HTRA3: variants seen among roughly 807,000 people sequenced by gnomAD.
The protein encoded by HTRA3 is HtrA serine peptidase 3.
Under a neutral mutation model 43.2 loss-of-function variants are expected in HTRA3, and 41 were observed. The observed-to-expected ratio is 0.95, with a 90% CI of 0.74 to 1.23. The LOEUF (loss-of-function observed/expected upper bound fraction) is 1.23, where lower values mean the gene tolerates loss of function less well. HTRA3 is among the 50% of genes most tolerant of loss of function. HTRA3 has a pLI of 0.00. For missense variants in HTRA3, 628 were observed against 647.1 expected (o/e 0.97, Z 0.32); for synonymous variants, 295 against 287.9 (o/e 1.02, Z -0.25).
At chr4:8,282,404 C>T (rs1270534468) in intron 1 of HTRA3, 33 bp from the exon 2 acceptor site, 2 of 1,539,414 alleles carry the variant, frequency 1.3e-6, no homozygotes, top group South Asian at 1.1e-5. Context: ...ATCGTGATCT[C>T]ACTGATGCAC....
At position 8,286,478 on chromosome 4, in the gene HTRA3, C is replaced by A; in HGVS notation, c.486-83C>A. The A allele has an allele frequency of 9.0e-7, 1 of 1,111,934 alleles. No individual in the cohort carries two copies. Among genetic ancestry groups the A allele is most frequent in the Non-Finnish European group, 1.4e-6 (1 of 738,848 alleles). 68.9% of individuals were successfully genotyped at this position (1,111,934 alleles called of 1,614,324 possible). On this transcript the variant is annotated intron_variant, in intron 2 of 8. Transcript: ENST00000307358. This position sits in a 1 kb window ranked among gnomAD's most constrained non-coding sequence, Gnocchi z 4.9. ...TCAGCCACACACTGGCTCTGCTCCT[C>A]GCTGACCAGCCCCACCACTGCGCCT...
At chr4:8,274,446 T>A (rs1313511942) in intron 1 of HTRA3, among the ~76,000 whole-genome samples, 1 of 152,202 alleles carries the variant, frequency 6.6e-6, no homozygotes. Context: ...CCCCATCTCC[T>A]CCAGGCTCGA....
At chr4:8,285,675 T>C (rs1170477506) in intron 2 of HTRA3, among the ~76,000 whole-genome samples, 1 of 152,222 alleles carries the variant, frequency 6.6e-6, no homozygotes, top group African/African-American at 2.4e-5. Flanking sequence ...GATGTGGGGC[T>C]GTGGTTTCTA....
chr4:8,287,307 G>T (rs868354710), intron 3 of HTRA3, among the ~76,000 whole-genome samples: 2 of 152,178 alleles, frequency 1.3e-5, no homozygotes, highest in Non-Finnish European at 2.9e-5. Context: ...CCTGCTCTCA[G>T]CCAGGCGCTG....
Position 8,296,211 on chromosome 4 carries a change from C to T in HTRA3, c.1051+2010C>T. The T allele has an allele frequency of 1.7e-5, 17 of 985,884 alleles. No homozygotes were observed. The highest frequency in any genetic ancestry group is 1.9e-5 in the Non-Finnish European group (16 of 830,262). The allele number at this position is 985,884 out of a possible 1,614,324, so 61.1% of individuals were successfully genotyped here. On this transcript the variant is annotated intron_variant, in intron 6 of 8. Transcript: ENST00000307358. The surrounding 1 kb of genome is among the most constrained non-coding windows in gnomAD (Gnocchi z 5.3). Reference sequence around the variant, plus strand: ...TTCCCTTCTTGCCTCTCTCTTTCTCCTGAGACAGGATCCCCCTGGGGCCTA... The same window carrying T: ...TTCCCTTCTTGCCTCTCTCTTTCTCTTGAGACAGGATCCCCCTGGGGCCTA...
chr4:8,303,685 C>A (rs1482650407), intron 7 of HTRA3, among the ~76,000 whole-genome samples: 1 of 152,212 alleles, frequency 6.6e-6, no homozygotes, highest in Non-Finnish European at 1.5e-5. Context: ...TCTCTTTTAT[C>A]TGTCTGTCCA....
chr4:8,285,056 T>C (rs1712900848), intron 2 of HTRA3, among the ~76,000 whole-genome samples: 1 of 152,058 alleles, frequency 6.6e-6, no homozygotes, highest in Non-Finnish European at 1.5e-5. Context: ...TTTTCCGCAG[T>C]CCTTGGTACG....
chr4:8,278,566 C>T (rs951430452), intron 1 of HTRA3, among the ~76,000 whole-genome samples: 8 of 152,158 alleles, frequency 5.3e-5, no homozygotes, highest in Non-Finnish European at 1.2e-4. Flanking sequence ...GTGGGAACCG[C>T]GTCCTCCCTT....
chr4:8,289,366 G>A (rs888595289), intron 3 of HTRA3, among the ~76,000 whole-genome samples: 1 of 152,236 alleles, frequency 6.6e-6, no homozygotes, highest in African/African-American at 2.4e-5. Flanking sequence ...GCACAGGTGG[G>A]TGTGGCTGCG....
Position 8,270,332 on chromosome 4 carries a change from C to T in HTRA3, c.364C>T (p.Gln122Ter). ...CTCCGGGACGCCCGTGCGCCAGCTG[C>T]AGAAGGGCGCCTGCCCGTTGGGTAA... ...QLSGTPVRQLQKGACPLGLHQ... is the reference protein window; with the variant it reads ...QLSGTPVRQL The change falls in exon 1 of 9, where the codon CAG (glutamine) becomes TAG (stop). Residue 122 changes from glutamine to a stop codon, truncating the protein, a stop_gained. Coordinates refer to ENST00000307358, the MANE Select transcript of HTRA3 (RefSeq NM_053044.5). LOFTEE classifies it high-confidence loss of function. 1 of 1,434,748 alleles carries T rather than the reference C, an allele frequency of 7.0e-7. No individual in the cohort carries two copies. Among genetic ancestry groups the T allele is most frequent in the Non-Finnish European group, 9.1e-7 (1 of 1,101,630 alleles). 88.9% of individuals were successfully genotyped at this position (1,434,748 alleles called of 1,614,324 possible). A position where few individuals can be genotyped will look rare whatever the true frequency, so the allele number is the denominator to read the frequency against.
intron 1 of HTRA3, among the ~76,000 whole-genome samples, chr4:8,276,737 G>T (rs561540674): frequency 7.9e-5 from 12 of 152,336 alleles, no homozygotes; most frequent in Middle Eastern, 3.4e-3. Context: ...AGCCAGGCTG[G>T]CCCCACATTG....
chr4:8,291,801 A>G (rs1713254205), intron 4 of HTRA3, among the ~76,000 whole-genome samples: 1 of 152,242 alleles, frequency 6.6e-6, no homozygotes, highest in African/African-American at 2.4e-5. Context: ...GCAGCCTTTC[A>G]GAGAAACAGA....
intron 2 of HTRA3, among the ~76,000 whole-genome samples, chr4:8,285,867 CA>C (rs1712939274): frequency 6.6e-6 from 1 of 152,234 alleles, no homozygotes; most frequent in South Asian, 2.1e-4. Flanking sequence ...CCAGCACTGC[CA>C]CATTTGGGGC....
rs906130107 is a variant in HTRA3 at position 8,289,923 on chromosome 4, G to A, written c.709-1447G>A. Reference sequence around the variant, plus strand: ...TGGCCTCACCTGTGCGCCCTCCTTGGGTGCAGGGAGGATGGGCTGACCCTC... The same window carrying A: ...TGGCCTCACCTGTGCGCCCTCCTTGAGTGCAGGGAGGATGGGCTGACCCTC... On this transcript the variant is annotated intron_variant, in intron 3 of 8. Coordinates refer to ENST00000307358, the MANE Select transcript of HTRA3 (RefSeq NM_053044.5). 1.3e-5 allele frequency among the ~76,000 whole-genome samples: 2 copies of A among 151,448 alleles called. 1 individual carries two copies. Among genetic ancestry groups the A allele is most frequent in the South Asian group, 4.2e-4 (2 of 4,790 alleles).
intron 1 of HTRA3, among the ~76,000 whole-genome samples, chr4:8,280,020 G>A (rs1034144577): frequency 1.3e-5 from 2 of 152,196 alleles, no homozygotes; most frequent in African/African-American, 2.4e-5. Flanking sequence ...GGGCTGCTGC[G>A]GGGCTGCCTG....
rs1713462746 is a variant in HTRA3 at position 8,296,493 on chromosome 4, C to G, written c.1051+2292C>G. On this transcript the variant is annotated intron_variant, in intron 6 of 8. Coordinates refer to ENST00000307358, the MANE Select transcript of HTRA3 (RefSeq NM_053044.5). The surrounding 1 kb of genome is among the most constrained non-coding windows in gnomAD (Gnocchi z 5.3). ...ATCCAAACCCAGTTAATCTAAAGTT[C>G]TTTGAAATGAACCATCTTTTTATTA... 6 of 985,014 alleles carry G rather than the reference C, an allele frequency of 6.1e-6. No homozygotes were observed. The South Asian group carries it at 2.8e-4, about 46-fold the overall frequency. The allele number at this position is 985,014 out of a possible 1,614,324, so 61.0% of individuals were successfully genotyped here. A position where few individuals can be genotyped will look rare whatever the true frequency, so the allele number is the denominator to read the frequency against.
At chr4:8,302,224 G>T (rs934098210) in intron 6 of HTRA3, among the ~76,000 whole-genome samples, 1 of 152,146 alleles carries the variant, frequency 6.6e-6, no homozygotes, top group African/African-American at 2.4e-5. Context: ...AGGATGCGGT[G>T]GACATGAAGC....
intron 5 of HTRA3, 21 bp from the exon 6 acceptor site, chr4:8,294,066 T>G (rs750449506): frequency 6.4e-7 from 1 of 1,568,448 alleles, no homozygotes; most frequent in South Asian, 1.2e-5. Flanking sequence ...AACTGATGCC[T>G]GCTCTTACCT....
chr4:8,303,102 A>G (rs1713721408), intron 7 of HTRA3, among the ~76,000 whole-genome samples: 1 of 152,244 alleles, frequency 6.6e-6, no homozygotes, highest in Non-Finnish European at 1.5e-5. Context: ...TAAAGGTCCT[A>G]TTTCCAAACA....
Sources: allele counts gnomAD v4.1 joint callset (sites outside exome capture counted in the v4.1 genomes callset), GRCh38; gene constraint gnomAD v4.1.1; non-coding constraint Gnocchi (gnomAD v3.1); transcripts MANE v1.5; gene names NCBI Gene and HGNC (gene_info 2026-07-23, HGNC 2026-07-21).